The following TRIP12 variants were observed in gnomAD, a reference collection of about 807,000 sequenced individuals.
TRIP12 encodes the protein E3 ubiquitin-protein ligase TRIP12.
In TRIP12, 25 loss-of-function variants were observed where a neutral mutation model predicts 244.2. That is an observed-to-expected ratio of 0.10 (90% confidence interval 0.07 to 0.14). The LOEUF (loss-of-function observed/expected upper bound fraction) is 0.14, where lower values mean the gene tolerates loss of function less well. TRIP12 is among the 10% of genes least tolerant of loss of function. The pLI is 1.00. For missense variants in TRIP12, 1,677 were observed against 2,486.4 expected, an observed-to-expected ratio of 0.67 and a Z score of 6.92; for synonymous variants, 905 against 873.1, an observed-to-expected ratio of 1.04 and a Z score of -0.64.
chr2:229,899,815 A>G (rs2070100371), intron 1 of TRIP12, among the ~76,000 whole-genome samples: 1 of 152,232 alleles, frequency 6.6e-6, no homozygotes, highest in Non-Finnish European at 1.5e-5. Flanking sequence ...TAGGGGCATG[A>G]ATGAATGAGC....
intron 1 of TRIP12, among the ~76,000 whole-genome samples, chr2:229,904,001 A>T (rs2071885850): frequency 6.6e-6 from 1 of 152,132 alleles, no homozygotes; most frequent in African/African-American, 2.4e-5. Flanking sequence ...GAGCCACTGC[A>T]CTCCCGCCTG....
chr2:229,887,494 C>T (rs989312417), intron 1 of TRIP12, among the ~76,000 whole-genome samples: 2 of 152,060 alleles, frequency 1.3e-5, no homozygotes, highest in Non-Finnish European at 2.9e-5. Context: ...GATAAGGAGG[C>T]AGATCAAGTA....
intron 1 of TRIP12, among the ~76,000 whole-genome samples, chr2:229,914,159 C>G (rs997138582): frequency 6.6e-6 from 1 of 151,984 alleles, no homozygotes; most frequent in South Asian, 2.1e-4. Flanking sequence ...GAGTCGGGAT[C>G]GCACCACTGC....
At position 229,767,455 on chromosome 2, in the gene TRIP12, G is replaced by C; in HGVS notation, c.*99C>G. On this transcript the variant is annotated 3_prime_UTR_variant, in exon 42 of 42. Transcript: ENST00000675903. ...CAAGCCGTTTTTCCTACAACAAGAA[G>C]GCGTAACATGTTTCCTTGACTCAGG... 1 of 1,397,382 alleles carries C rather than the reference G, an allele frequency of 7.2e-7. No homozygotes were observed. Among genetic ancestry groups the C allele is most frequent in the Non-Finnish European group, 9.5e-7 (1 of 1,050,576 alleles). The allele number at this position is 1,397,382 out of a possible 1,614,324, so 86.6% of individuals were successfully genotyped here.
chr2:229,839,454 G>C (rs1345613712), intron 5 of TRIP12, among the ~76,000 whole-genome samples: 1 of 151,968 alleles, frequency 6.6e-6, no homozygotes, highest in Non-Finnish European at 1.5e-5. Flanking sequence ...GAGGCAGGTG[G>C]ATCACGAGGT....
chr2:229,850,831 G>A (rs1266517074), intron 4 of TRIP12, among the ~76,000 whole-genome samples: 1 of 152,248 alleles, frequency 6.6e-6, no homozygotes, highest in Non-Finnish European at 1.5e-5. Flanking sequence ...GGCCCTGCCG[G>A]CCCCAGGCAA....
chr2:229,910,364 C>T (rs564372612), intron 1 of TRIP12, among the ~76,000 whole-genome samples: 31 of 152,124 alleles, frequency 2.0e-4, no homozygotes, highest in East Asian at 1.9e-4. Context: ...GAAACAAAAC[C>T]GTAACACTAT....
chr2:229,834,179 T>A (rs2054161429), intron 6 of TRIP12, among the ~76,000 whole-genome samples: 1 of 152,244 alleles, frequency 6.6e-6, no homozygotes, highest in South Asian at 2.1e-4. Context: ...GTGAAAATAC[T>A]GGAGAGATGT....
At chr2:229,846,110 A>C (rs2057532490) in intron 4 of TRIP12, among the ~76,000 whole-genome samples, 1 of 152,136 alleles carries the variant, frequency 6.6e-6, no homozygotes, top group African/African-American at 2.4e-5. Context: ...TGAAATGACA[A>C]GAAAGGATTT....
chr2:229,792,039 A>G lies in TRIP12; in HGVS notation c.4242T>C (p.Asn1414=). 1 of 1,614,130 alleles carries G rather than the reference A, an allele frequency of 6.2e-7. No individual in the cohort carries two copies. Among genetic ancestry groups the G allele is most frequent in the East Asian group, 2.2e-5 (1 of 44,872 alleles). ...TATAAAACTGCAGCCTGTGTCTTAC[A>G]TTTCCTGAATTTAGGAACTGAGCAG... ...SLAAQFLNSG[N]VRHRLQFYIG... The change falls in exon 29 of 42, where the codon AAT becomes AAC. Residue 1414 remains asparagine (N), a synonymous_variant. Coordinates refer to ENST00000675903, the MANE Select transcript of TRIP12 (RefSeq NM_001348323.3).
chr2:229,765,963 G>A lies in TRIP12; in HGVS notation c.*1591C>T, dbSNP rs1192892676. 6.6e-6 allele frequency: 1 copy of A among 152,104 alleles called. No homozygotes were observed. Among genetic ancestry groups the A allele is most frequent in the East Asian group, 1.9e-4 (1 of 5,196 alleles). 9.4% of individuals were successfully genotyped at this position (152,104 alleles called of 1,614,324 possible). ...CTCAGGAGGGGACATTTCCATATAA[G>A]GCCATTTAAGTGTAAATTGACACAG... is the stretch of plus-strand genomic sequence containing the variant. On this transcript the variant is annotated 3_prime_UTR_variant, in exon 42 of 42. Transcript: ENST00000675903.
chr2:229,850,127 T>C (rs2058378586), intron 4 of TRIP12, among the ~76,000 whole-genome samples: 1 of 152,220 alleles, frequency 6.6e-6, no homozygotes, highest in Admixed American at 6.5e-5. Flanking sequence ...TAAAACATAA[T>C]TTGGCTAATT....
chr2:229,786,240 A>G (rs1472018844), intron 33 of TRIP12, among the ~76,000 whole-genome samples: 1 of 152,146 alleles, frequency 6.6e-6, no homozygotes. Context: ...GACAGGTCAA[A>G]CAGGTGAGCT....
In TRIP12 at chr2:229,802,263, G is replaced by A. The variant is rs2044585281; in HGVS notation, c.3195C>T (p.Leu1065=). The change falls in exon 21 of 42, where the codon CTC becomes CTT. Residue 1065 remains leucine, a synonymous_variant. Coordinates refer to ENST00000675903, the MANE Select transcript of TRIP12 (RefSeq NM_001348323.3). The stretch of plus-strand genomic sequence containing the variant: ...CAATTCTTACTTACCCTTGAGGGCT[G>A]AGATCTAAAGAATCATCCCTGCTGT... The part of the protein sequence containing the change: ...LQHSRDDSLD[L]SPQGRLSDVL... 1.3e-6 allele frequency: 2 copies of A among 1,597,138 alleles called. No homozygotes were observed. Among genetic ancestry groups the A allele is most frequent in the Non-Finnish European group, 1.7e-6 (2 of 1,167,128 alleles).
Position 229,805,808 on chromosome 2 carries a change from T to C in TRIP12, c.2572A>G (p.Met858Val), listed in dbSNP as rs375105358. The change falls in exon 18 of 42, where the codon ATG becomes GTG. Residue 858 changes from methionine (M) to valine (V), a missense_variant. Transcript: ENST00000675903. ...GRVYTIDFNS[M>V]QQINEDTGTA... Reference sequence around the variant, plus strand: ...CCCGTGTCCTCATTGATTTGCTGCATAGAATTAAAATCAATAGTATAAACT... The same window carrying C: ...CCCGTGTCCTCATTGATTTGCTGCACAGAATTAAAATCAATAGTATAAACT... The C allele has an allele frequency of 3.7e-6, 6 of 1,611,676 alleles. No homozygotes were observed. Among genetic ancestry groups the C allele is most frequent in the African/African-American group, 2.7e-5 (2 of 74,900 alleles).
chr2:229,768,535 T>C, intron 41 of TRIP12, 81 bp downstream of exon 41: 1 of 1,278,964 alleles, frequency 7.8e-7, no homozygotes. Flanking sequence ...ATAAAGAATC[T>C]CCTGCTGATG....
At chr2:229,892,266 G>A (rs560764032) in intron 1 of TRIP12, among the ~76,000 whole-genome samples, 14 of 152,304 alleles carry the variant, frequency 9.2e-5, no homozygotes, top group African/African-American at 3.4e-4. Context: ...GCTCTCTGAA[G>A]AGACATTTTA....
chr2:229,827,547 C>T (rs984314658), intron 8 of TRIP12, among the ~76,000 whole-genome samples: 3 of 152,002 alleles, frequency 2.0e-5, no homozygotes, highest in East Asian at 1.9e-4. Context: ...TAGGCCTGCA[C>T]GGGATGAAGA....
intron 4 of TRIP12, among the ~76,000 whole-genome samples, chr2:229,851,466 G>A (rs887806541): frequency 4.6e-5 from 7 of 152,026 alleles, no homozygotes; most frequent in Admixed American, 1.3e-4. Flanking sequence ...CAGACCACTC[G>A]GCTCTACCAA....
Sources: allele counts gnomAD v4.1 joint callset (sites outside exome capture counted in the v4.1 genomes callset), GRCh38; gene constraint gnomAD v4.1.1; transcripts MANE v1.5; gene names NCBI Gene and HGNC (gene_info 2026-07-23, HGNC 2026-07-21).